The following PUM1 variants were observed in gnomAD, a reference collection of about 807,000 sequenced individuals.
The protein encoded by PUM1 is pumilio RNA binding family member 1, also known as pumilio homolog 1.
In PUM1, 13 loss-of-function variants were observed where a neutral mutation model predicts 131.8. The observed-to-expected ratio is 0.10, with a 90% CI of 0.06 to 0.16. PUM1 has a LOEUF of 0.16. PUM1 is among the 10% of genes least tolerant of loss of function. The probability of loss-of-function intolerance (pLI) is 1.00; values close to 1 mark genes in which losing one functional copy is unlikely to be tolerated. For synonymous variants in PUM1, 509 were observed against 556.5 expected (o/e 0.91, Z 1.20); for missense variants, 961 against 1,512.4 (o/e 0.64, Z 6.05).
rs759114143 is a variant in PUM1 at position 30,965,963 on chromosome 1, A to T, written c.2086+19T>A. On this transcript the variant is annotated intron_variant, in intron 13 of 21. Transcript: ENST00000426105. Reference sequence around the variant, plus strand: ...ATAATTAAAATTCAGTCTTAAGAGCATATCAGTCTAATTTCTACCTGCTGT... The same window carrying T: ...ATAATTAAAATTCAGTCTTAAGAGCTTATCAGTCTAATTTCTACCTGCTGT... 4.4e-6 allele frequency: 7 copies of T among 1,598,226 alleles called. No homozygotes were observed. The highest frequency in any genetic ancestry group is 1.1e-5 in the South Asian group (1 of 89,128).
rs139839203 is a variant in PUM1 at position 30,966,158 on chromosome 1, T to C, written c.1910A>G (p.Asn637Ser). 81 of 1,614,146 alleles carry C rather than the reference T, an allele frequency of 5.0e-5. No individual in the cohort carries two copies. The South Asian group carries it at 7.4e-4, about 15-fold the overall frequency. ...GAAAGAACTGGATGCCAGGTTGTTATTGGGCTGCTGCTGGGGCTGGGGCTG... is the reference window on the plus strand; with the variant it reads ...GAAAGAACTGGATGCCAGGTTGTTACTGGGCTGCTGCTGGGGCTGGGGCTG... ...QPQPQPQQQPNNNLASSSFYG... is the reference protein window; with the variant it reads ...QPQPQPQQQPSNNLASSSFYG... Residue 637 changes from asparagine to serine, a missense_variant, in exon 13 of 22, where the codon AAT (asparagine) becomes AGT (serine). Asn to Ser is a conservative substitution (Grantham distance 46, BLOSUM62 1). Coordinates refer to ENST00000426105, the MANE Select transcript of PUM1 (RefSeq NM_001020658.2).
chr1:31,005,789 AAAAGAGAG>A lies in PUM1; in HGVS notation c.720+56_720+63del. The A allele has an allele frequency of 5.9e-6, 8 of 1,351,554 alleles. No individual in the cohort carries two copies. In the South Asian group the frequency reaches 1.2e-4, roughly 21 times the overall value. The allele number at this position is 1,351,554 out of a possible 1,614,324, so 83.7% of individuals were successfully genotyped here. A position where few individuals can be genotyped will look rare whatever the true frequency, so the allele number is the denominator to read the frequency against. On this transcript the variant is annotated intron_variant, in intron 5 of 21. Coordinates refer to ENST00000426105, the MANE Select transcript of PUM1 (RefSeq NM_001020658.2). Reference sequence around the variant, plus strand: ...CAGGCATGTTTTGCTTTAGGGGAAAAAAAGAGAGAGAGAGAGAGAGAGAGAGAGAGAGA... The same window carrying A: ...CAGGCATGTTTTGCTTTAGGGGAAAAAGAGAGAGAGAGAGAGAGAGAGAGA...
intron 3 of PUM1, among the ~76,000 whole-genome samples, chr1:31,025,368 A>C (rs1643181811): frequency 6.6e-6 from 1 of 152,188 alleles, no homozygotes; most frequent in Non-Finnish European, 1.5e-5. Context: ...TAAAGACTCC[A>C]TACATTCTTT....
At chr1:31,060,127 C>T (rs555204472) in intron 1 of PUM1, among the ~76,000 whole-genome samples, 52 of 147,980 alleles carry the variant, frequency 3.5e-4, no homozygotes, top group African/African-American at 1.1e-3. Context: ...GGATTACAGG[C>T]GTGAGCCACC....
chr1:30,940,454 C>T (rs541532442), intron 20 of PUM1, among the ~76,000 whole-genome samples: 90 of 152,276 alleles, frequency 5.9e-4, no homozygotes, highest in Admixed American at 1.4e-3. Context: ...CAAGCCTGGG[C>T]GACAGAGCGT....
intron 1 of PUM1, among the ~76,000 whole-genome samples, chr1:31,064,274 T>C (rs1457266533): frequency 1.3e-5 from 2 of 152,178 alleles, no homozygotes; most frequent in Non-Finnish European, 2.9e-5. Context: ...CTAAACAAAT[T>C]CCAACTTCAA....
At chr1:30,950,321 G>A in intron 16 of PUM1, 60 bp from the exon 17 acceptor site, 1 of 1,551,180 alleles carries the variant, frequency 6.4e-7, no homozygotes, top group Non-Finnish European at 8.8e-7. Flanking sequence ...ACCAGAGAAA[G>A]CAAAGCATTC....
intron 14 of PUM1, among the ~76,000 whole-genome samples, chr1:30,957,520 C>CAAAGCCTTATGAGA (rs2124424918): frequency 6.6e-6 from 1 of 152,312 alleles, no homozygotes; most frequent in African/African-American, 2.4e-5. Context: ...AAACATTTCT[C>CAAAGCCTTATGAGA]ATAAGGCTTC....
At chr1:31,055,257 C>G in intron 2 of PUM1, 5 of 445,646 alleles carry the variant, frequency 1.1e-5, no homozygotes, top group South Asian at 8.0e-5. Flanking sequence ...GTGGCCTCTA[C>G]CTGTTGCCAT....
At chr1:30,942,191 T>G (rs867100277) in intron 18 of PUM1, 68 bp from the exon 19 acceptor site, 2 of 139,672 alleles carry the variant, frequency 1.4e-5, no homozygotes, top group East Asian at 1.5e-4. Flanking sequence ...TCAGTATTGT[T>G]TATATATATA....
intron 2 of PUM1, 81 bp downstream of exon 2, chr1:31,059,123 G>A: frequency 1.4e-6 from 2 of 1,460,096 alleles, no homozygotes; most frequent in South Asian, 1.4e-5. Flanking sequence ...AGTTTTTAAA[G>A]ACATTCATTG....
chr1:30,966,998 G>T, intron 12 of PUM1, 169 bp downstream of exon 12: 40 of 519,932 alleles, frequency 7.7e-5, no homozygotes, highest in Middle Eastern at 6.2e-4. Flanking sequence ...CCAACAAAAA[G>T]GAGAATCCAC....
chr1:30,937,074 A>G (rs1639241427), intron 20 of PUM1, among the ~76,000 whole-genome samples: 1 of 152,032 alleles, frequency 6.6e-6, no homozygotes. Flanking sequence ...TTTTTCTCCA[A>G]TCCACGGGGA....
chr1:31,064,022 A>G (rs16834208), intron 1 of PUM1, among the ~76,000 whole-genome samples: 43,481 of 152,068 alleles, frequency 0.29, 8,073 homozygotes, highest in East Asian at 0.53. Context: ...ATGACACCTT[A>G]TAAGTACTTT....
chr1:30,954,338 A>C lies in PUM1; in HGVS notation c.2324-357T>G, dbSNP rs574158165. Among the ~76,000 whole-genome samples, 28 of 152,270 alleles carry C rather than the reference A, an allele frequency of 1.8e-4. No individual in the cohort carries two copies. The South Asian group carries it at 5.8e-3, about 32-fold the overall frequency. On this transcript the variant is annotated intron_variant, in intron 14 of 21. Transcript: ENST00000426105. ...ATAAAAACTCAGAAAATGCAAAACA[A>C]ACTCAGACTGGAGTGGTTTTCCATT...
chr1:30,950,024 A>G (rs1639861944), intron 17 of PUM1, 103 bp downstream of exon 17: 4 of 1,375,174 alleles, frequency 2.9e-6, no homozygotes, highest in Non-Finnish European at 9.8e-7. Context: ...GCAACAATGC[A>G]AAACCATAAA....
chr1:30,979,758 T>C (rs1416733912), intron 9 of PUM1, among the ~76,000 whole-genome samples: 3 of 152,046 alleles, frequency 2.0e-5, no homozygotes, highest in South Asian at 2.1e-4. Context: ...TATGATAGAC[T>C]AGAGGTGGTA....
At chr1:30,994,909 C>CTTTGTA in intron 6 of PUM1, 145 bp downstream of exon 6, 1 of 815,750 alleles carries the variant, frequency 1.2e-6, no homozygotes, top group East Asian at 2.9e-5. Context: ...AATTTACAAT[C>CTTTGTA]TTTGTAGCAT....
intron 3 of PUM1, among the ~76,000 whole-genome samples, chr1:31,009,324 A>G (rs1570262930): frequency 6.6e-6 from 1 of 152,116 alleles, no homozygotes; most frequent in South Asian, 2.1e-4. Context: ...TGTATTCCAG[A>G]AGAAAGAATG....
Sources: gnomAD v4.1 joint callset for allele counts (sites outside exome capture counted in the v4.1 genomes callset) on GRCh38, gnomAD v4.1.1 for gene constraint, MANE v1.5 for transcripts, NCBI Gene and HGNC (gene_info 2026-07-23, HGNC 2026-07-21) for gene names.